Variants in PTCSC3 observed in about 807,000 individuals in gnomAD.
The protein encoded by PTCSC3 is papillary thyroid carcinoma susceptibility candidate 3.
At chr14:36,173,694 A>T (rs999991645) in intron 1 of PTCSC3, among the ~76,000 whole-genome samples, 9 of 152,092 alleles carry the variant, frequency 5.9e-5, no homozygotes, top group Non-Finnish European at 1.2e-4. Flanking sequence ...TATCTTATTT[A>T]ACATTCCTGG....
chr14:36,141,630 G>C (rs1175405134), intron 3 of PTCSC3, among the ~76,000 whole-genome samples: 2 of 151,992 alleles, frequency 1.3e-5, no homozygotes, highest in Non-Finnish European at 2.9e-5. Context: ...TGGGATTACA[G>C]GCGTGAGCCA....
chr14:36,137,370 G>A (rs1344564463), intron 3 of PTCSC3, among the ~76,000 whole-genome samples: 1 of 152,200 alleles, frequency 6.6e-6, no homozygotes, highest in Non-Finnish European at 1.5e-5. Flanking sequence ...TGCAGCTTAT[G>A]TAAGAACTTT....
At chr14:36,148,979 C>T (rs1881660840) in intron 3 of PTCSC3, among the ~76,000 whole-genome samples, 5 of 151,798 alleles carry the variant, frequency 3.3e-5, no homozygotes, top group Non-Finnish European at 7.4e-5. Context: ...CTTATTTCTT[C>T]CCCTTTTTCA....
At chr14:36,170,732 G>A (rs1038483561) in intron 1 of PTCSC3, among the ~76,000 whole-genome samples, 1 of 152,048 alleles carries the variant, frequency 6.6e-6, no homozygotes, top group African/African-American at 2.4e-5. Flanking sequence ...CCCTTTCCCA[G>A]GTTGCCAATG....
At chr14:36,158,330 C>G (rs918382167) in intron 2 of PTCSC3, among the ~76,000 whole-genome samples, 1 of 152,106 alleles carries the variant, frequency 6.6e-6, no homozygotes, top group Non-Finnish European at 1.5e-5. Context: ...TTGTCTTGTG[C>G]TGGTTTTCAA....
At chr14:36,173,563 T>A (rs1282573333) in intron 1 of PTCSC3, among the ~76,000 whole-genome samples, 2 of 142,212 alleles carry the variant, frequency 1.4e-5, no homozygotes, top group Non-Finnish European at 3.1e-5. Context: ...AGTTAACTCT[T>A]AGGTAGAAGT....
chr14:36,145,542 C>T (rs1881541746), intron 3 of PTCSC3, among the ~76,000 whole-genome samples: 1 of 139,578 alleles, frequency 7.2e-6, no homozygotes, highest in African/African-American at 2.9e-5. Context: ...CTATTTGATT[C>T]TTCTCTCTTT....
chr14:36,168,359 GAATATATATA>G (rs1882132545), intron 1 of PTCSC3, among the ~76,000 whole-genome samples: 1 of 56,960 alleles, frequency 1.8e-5, no homozygotes, highest in Non-Finnish European at 2.9e-5. Context: ...TATTGATTCT[GAATATATATA>G]TATATATATA....
intron 2 of PTCSC3, among the ~76,000 whole-genome samples, chr14:36,155,511 G>T (rs541289913): frequency 6.6e-6 from 1 of 151,852 alleles, no homozygotes; most frequent in East Asian, 1.9e-4. Context: ...TACACTCACG[G>T]TCCTTAAATT....
intron 2 of PTCSC3, among the ~76,000 whole-genome samples, chr14:36,159,319 G>T (rs1881901555): frequency 6.6e-6 from 1 of 151,706 alleles, no homozygotes; most frequent in South Asian, 2.1e-4. Flanking sequence ...TGCTTCTCTA[G>T]TTCTTTTAAT....
intron 1 of PTCSC3, among the ~76,000 whole-genome samples, chr14:36,170,810 AG>A (rs1211874633): frequency 2.0e-5 from 3 of 152,220 alleles, no homozygotes; most frequent in Admixed American, 6.5e-5. Flanking sequence ...GTTCCTTCTG[AG>A]GATCCTGTGG....
At chr14:36,158,355 G>A (rs1881875730) in intron 2 of PTCSC3, among the ~76,000 whole-genome samples, 1 of 152,184 alleles carries the variant, frequency 6.6e-6, no homozygotes. Flanking sequence ...AATGCTTCCG[G>A]TTTTTGCCCA....
chr14:36,158,041 T>G (rs888416585), intron 2 of PTCSC3, among the ~76,000 whole-genome samples: 2 of 152,216 alleles, frequency 1.3e-5, no homozygotes, highest in Non-Finnish European at 2.9e-5. Flanking sequence ...AGTTCACTCG[T>G]GATTTGGCTG....
intron 2 of PTCSC3, among the ~76,000 whole-genome samples, chr14:36,161,235 T>C (rs1881949551): frequency 6.6e-6 from 1 of 152,228 alleles, no homozygotes; most frequent in Non-Finnish European, 1.5e-5. Context: ...TTTGTCAAGC[T>C]CATTCTCTGT....
intron 1 of PTCSC3, among the ~76,000 whole-genome samples, chr14:36,173,434 C>T (rs1261769527): frequency 4.6e-5 from 7 of 152,084 alleles, no homozygotes. Flanking sequence ...GAGCTGTTCA[C>T]ATTCAATGCT....
intron 3 of PTCSC3, among the ~76,000 whole-genome samples, chr14:36,138,558 G>A (rs906700345): frequency 6.6e-6 from 1 of 152,122 alleles, no homozygotes; most frequent in African/African-American, 2.4e-5. Flanking sequence ...GAAGATATGT[G>A]AATGACCAAG....
chr14:36,141,404 A>G (rs940223711), intron 3 of PTCSC3, among the ~76,000 whole-genome samples: 11 of 151,992 alleles, frequency 7.2e-5, no homozygotes, highest in Non-Finnish European at 1.3e-4. Context: ...ATTTTCTTTG[A>G]TATTTTTCAG....
intron 2 of PTCSC3, among the ~76,000 whole-genome samples, chr14:36,155,074 G>A (rs1490253864): frequency 2.6e-5 from 4 of 151,874 alleles, no homozygotes; most frequent in Admixed American, 2.6e-4. Flanking sequence ...TACACCTCAG[G>A]AAAAAGGCAC....
chr14:36,166,821 A>G (rs1156576941), intron 1 of PTCSC3, among the ~76,000 whole-genome samples: 1 of 152,198 alleles, frequency 6.6e-6, no homozygotes, highest in Non-Finnish European at 1.5e-5. Flanking sequence ...CACTTCTATT[A>G]AAGGGTTGAA....
Sources: allele counts gnomAD v4.1 joint callset (sites outside exome capture counted in the v4.1 genomes callset), GRCh38; gene constraint gnomAD v4.1.1; transcripts MANE v1.5; gene names NCBI Gene and HGNC (gene_info 2026-07-23, HGNC 2026-07-21).